The following FAT4 variants were observed in gnomAD, a reference collection of about 807,000 sequenced individuals.
FAT4 encodes protocadherin Fat 4.
Under a neutral mutation model 303.9 loss-of-function variants are expected in FAT4, and 84 were observed. The ratio of observed to expected loss-of-function variants is 0.28; its 90% CI spans 0.23 to 0.33. FAT4 has a LOEUF of 0.33. FAT4 is among the 10% of genes least tolerant of loss of function. The pLI is 1.00. For missense variants in FAT4, 6,005 were observed against 6,146.8 expected (o/e 0.98, Z 0.77); for synonymous variants, 2,307 against 2,298.8 (o/e 1.00, Z -0.10).
chr4:125,457,304 C>T (rs1343053248), intron 10 of FAT4, among the ~76,000 whole-genome samples: 2 of 151,954 alleles, frequency 1.3e-5, no homozygotes, highest in Non-Finnish European at 2.9e-5. Context: ...ATGTAGAGAA[C>T]AACTTATAAG....
At chr4:125,431,844 T>C (rs1272027318) in intron 7 of FAT4, among the ~76,000 whole-genome samples, 2 of 128,690 alleles carry the variant, frequency 1.6e-5, no homozygotes, top group African/African-American at 5.7e-5. Flanking sequence ...TGCACACATA[T>C]TCCCTAGGTA....
intron 8 of FAT4, among the ~76,000 whole-genome samples, chr4:125,435,399 G>T (rs999165149): frequency 6.6e-6 from 1 of 152,206 alleles, no homozygotes; most frequent in Admixed American, 6.5e-5. Flanking sequence ...GGCTATGAAA[G>T]TAATGGAGCA....
intron 2 of FAT4, among the ~76,000 whole-genome samples, chr4:125,350,461 A>G (rs537545468): frequency 1.3e-4 from 19 of 151,880 alleles, no homozygotes; most frequent in East Asian, 7.7e-4. Context: ...ATCAATTTCA[A>G]TGACTTCGTT....
intron 2 of FAT4, among the ~76,000 whole-genome samples, chr4:125,340,422 C>G (rs1201044895): frequency 6.6e-6 from 1 of 151,492 alleles, no homozygotes; most frequent in Admixed American, 6.6e-5. Context: ...CTCGCTCTGT[C>G]GCCCAGGCTG....
At chr4:125,425,507 A>C (rs1725056728) in intron 7 of FAT4, among the ~76,000 whole-genome samples, 1 of 152,256 alleles carries the variant, frequency 6.6e-6, no homozygotes, top group South Asian at 2.1e-4. Context: ...GTTCTCTCTA[A>C]GTAAAATAGC....
chr4:125,367,257 G>A (rs926711302), intron 2 of FAT4, among the ~76,000 whole-genome samples: 1 of 152,046 alleles, frequency 6.6e-6, no homozygotes, highest in African/African-American at 2.4e-5. Context: ...AGCAATTATT[G>A]GTAGAGCTGG....
intron 13 of FAT4, among the ~76,000 whole-genome samples, 153 bp from the exon 14 acceptor site, chr4:125,477,002 G>T (rs1272765076): frequency 7.9e-5 from 12 of 151,746 alleles, no homozygotes; most frequent in African/African-American, 2.9e-4. Flanking sequence ...CTCTGTGTGT[G>T]TATTGGACAC....
At chr4:125,425,867 T>G (rs1318204935) in intron 7 of FAT4, among the ~76,000 whole-genome samples, 1 of 152,114 alleles carries the variant, frequency 6.6e-6, no homozygotes, top group African/African-American at 2.4e-5. Flanking sequence ...TGTGTCAGCA[T>G]AAATAGTAGG....
intron 16 of FAT4, among the ~76,000 whole-genome samples, chr4:125,485,015 G>A (rs1171682824): frequency 6.6e-6 from 1 of 151,920 alleles, no homozygotes; most frequent in African/African-American, 2.4e-5. Flanking sequence ...ACCATGCCGG[G>A]CTAACTTTTG....
chr4:125,415,900 C>A, intron 6 of FAT4, 94 bp downstream of exon 6: 1 of 940,964 alleles, frequency 1.1e-6, no homozygotes, highest in East Asian at 2.6e-5. Context: ...TTCCCCTGTT[C>A]TCTCCTCATT....
At chr4:125,325,217 A>G (rs1368556736) in intron 2 of FAT4, among the ~76,000 whole-genome samples, 1 of 152,140 alleles carries the variant, frequency 6.6e-6, no homozygotes, top group Non-Finnish European at 1.5e-5. Flanking sequence ...ATAAAAATAC[A>G]TTTATCTCGC....
rs1316929648 is a variant in FAT4 at position 125,415,129 on chromosome 4, T to C, written c.6166T>C (p.Leu2056=). Residue 2056 remains leucine, a synonymous_variant, in exon 6 of 18, where the codon TTG becomes CTG. Coordinates refer to ENST00000394329, the MANE Select transcript of FAT4 (RefSeq NM_001291303.3). ...DNPPTFLSPK[L]TYIPENTPID... is the part of the protein sequence containing the mutation. ...CCCACCGACATTTCTTTCCCCTAAATTGACATACATTCCAGAAAATACACC... is the reference window on the plus strand; with the variant it reads ...CCCACCGACATTTCTTTCCCCTAAACTGACATACATTCCAGAAAATACACC... 1 of 1,614,064 alleles carries C rather than the reference T, an allele frequency of 6.2e-7. No homozygotes were observed. Among genetic ancestry groups the C allele is most frequent in the Non-Finnish European group, 8.5e-7 (1 of 1,179,954 alleles).
At chr4:125,350,744 T>C (rs2710540) in intron 2 of FAT4, among the ~76,000 whole-genome samples, 112,507 of 151,444 alleles carry the variant, frequency 0.74, 42,541 homozygotes, top group African/African-American at 0.88. Context: ...GTTTACAAAG[T>C]TCCTGCTGAT....
intron 7 of FAT4, among the ~76,000 whole-genome samples, chr4:125,419,184 T>G (rs2126031272): frequency 6.6e-6 from 1 of 152,340 alleles, no homozygotes; most frequent in Admixed American, 6.5e-5. Context: ...AAGGAATACT[T>G]ATTCTAGCTA....
intron 6 of FAT4, 60 bp downstream of exon 6, chr4:125,415,866 T>C (rs1485408241): frequency 1.6e-6 from 2 of 1,287,252 alleles, no homozygotes; most frequent in Non-Finnish European, 2.2e-6. Context: ...TTTGAAAACC[T>C]CCCCTCTTCT....
At chr4:125,456,488 G>T (rs1348614317) in intron 10 of FAT4, among the ~76,000 whole-genome samples, 1 of 150,438 alleles carries the variant, frequency 6.6e-6, no homozygotes, top group East Asian at 1.9e-4. Flanking sequence ...TTCAAATTCT[G>T]TATGAAAAAA....
chr4:125,466,897 C>T (rs1052734072), intron 11 of FAT4, among the ~76,000 whole-genome samples: 70 of 151,846 alleles, frequency 4.6e-4, no homozygotes, highest in African/African-American at 1.6e-3. Context: ...GCCTCAGCCT[C>T]CCGAGTAGCT....
chr4:125,318,050 C>A lies in FAT4; in HGVS notation c.1639C>A (p.Gln547Lys). The A allele has an allele frequency of 1.9e-6, 3 of 1,614,148 alleles. No individual in the cohort carries two copies. Among genetic ancestry groups the A allele is most frequent in the Non-Finnish European group, 2.5e-6 (3 of 1,180,030 alleles). The stretch of plus-strand genomic sequence containing the variant: ...GGGCCTGGACCGTGAACTTGCTTCC[C>A]AGATTGTTCTGAATATAAGTGCCCG... ...SGGLDRELAS[Q>K]IVLNISARDQ... Residue 547 changes from glutamine (Q) to lysine (K), a missense_variant, in exon 2 of 18, where the codon CAG (glutamine) becomes AAG (lysine). Gln to Lys is a moderately conservative substitution (Grantham distance 53). Transcript: ENST00000394329.
At chr4:125,464,772 G>T (rs960239471) in intron 11 of FAT4, among the ~76,000 whole-genome samples, 2 of 151,986 alleles carry the variant, frequency 1.3e-5, no homozygotes, top group African/African-American at 4.8e-5. Flanking sequence ...GCGGTGTTTG[G>T]TTTTTTGTCC....
Sources: allele counts gnomAD v4.1 joint callset (sites outside exome capture counted in the v4.1 genomes callset), GRCh38; gene constraint gnomAD v4.1.1; transcripts MANE v1.5; gene names NCBI Gene and HGNC (gene_info 2026-07-23, HGNC 2026-07-21).